The following CEP112 variants were observed in gnomAD, a reference collection of about 807,000 sequenced individuals.
The protein encoded by CEP112 is centrosomal protein 112.
A neutral mutation model predicts 153.0 loss-of-function variants in CEP112; 127 were observed. The ratio of observed to expected loss-of-function variants is 0.83; its 90% CI spans 0.72 to 0.96. CEP112 has a LOEUF of 0.96. Among genes scored for constraint, CEP112 ranks in the 40% least tolerant of loss-of-function variants. CEP112 has a pLI of 0.00. For synonymous variants in CEP112, 358 were observed against 374.4 expected (o/e 0.96, Z 0.51); for missense variants, 1,089 against 1,101.2 (o/e 0.99, Z 0.16).
intron 18 of CEP112, among the ~76,000 whole-genome samples, chr17:65,937,911 G>A (rs929583340): frequency 8.1e-6 from 1 of 123,116 alleles, no homozygotes; most frequent in East Asian, 5.1e-4. Flanking sequence ...CCCCATCTGG[G>A]AGGTGTGCCC....
At chr17:65,723,904 A>G (rs1389862413) in intron 23 of CEP112, among the ~76,000 whole-genome samples, 1 of 152,188 alleles carries the variant, frequency 6.6e-6, no homozygotes, top group African/African-American at 2.4e-5. Flanking sequence ...ATCATCTGTT[A>G]CTCTGAAATA....
chr17:65,681,094 G>A (rs1171052158), intron 24 of CEP112, among the ~76,000 whole-genome samples: 1 of 152,200 alleles, frequency 6.6e-6, no homozygotes, highest in African/African-American at 2.4e-5. Context: ...CATCAGGTGG[G>A]CAGGGCTGTT....
At chr17:65,824,116 A>G (rs2056724657) in intron 21 of CEP112, among the ~76,000 whole-genome samples, 1 of 152,222 alleles carries the variant, frequency 6.6e-6, no homozygotes. Context: ...AAGTTAAATT[A>G]AAGTGCATAT....
chr17:65,927,841 C>A, intron 18 of CEP112, 152 bp from the exon 19 acceptor site: 1 of 425,528 alleles, frequency 2.4e-6, no homozygotes, highest in Non-Finnish European at 4.1e-6. Flanking sequence ...AGACATTTAT[C>A]AATTCATTTT....
intron 24 of CEP112, among the ~76,000 whole-genome samples, chr17:65,674,074 A>C (rs1210487275): frequency 6.6e-6 from 1 of 152,110 alleles, no homozygotes; most frequent in Non-Finnish European, 1.5e-5. Context: ...ACAGGGTTTC[A>C]CCATGTTAGT....
chr17:65,881,105 C>T (rs1163579613), intron 20 of CEP112, among the ~76,000 whole-genome samples: 1 of 152,112 alleles, frequency 6.6e-6, no homozygotes. Flanking sequence ...GTCCCAGCTA[C>T]TCGGGAGGCT....
intron 20 of CEP112, among the ~76,000 whole-genome samples, chr17:65,890,322 G>T (rs2059419135): frequency 6.6e-6 from 1 of 152,166 alleles, no homozygotes; most frequent in South Asian, 2.1e-4. Flanking sequence ...TCTCAACATG[G>T]TACGTGTTCT....
intron 4 of CEP112, among the ~76,000 whole-genome samples, chr17:66,139,485 C>A (rs941370739): frequency 6.6e-6 from 1 of 152,008 alleles, no homozygotes; most frequent in South Asian, 2.1e-4. Context: ...GTGGCACACA[C>A]CTGAGGTCCC....
At chr17:65,950,711 G>T (rs74735456) in intron 18 of CEP112, among the ~76,000 whole-genome samples, 113 of 71,714 alleles carry the variant, frequency 1.6e-3, no homozygotes, top group South Asian at 0.011. Context: ...AGTAGTAGTA[G>T]TAGTAGTAGT....
intron 6 of CEP112, among the ~76,000 whole-genome samples, chr17:66,101,962 A>AT (rs1440814930): frequency 6.6e-6 from 1 of 152,164 alleles, no homozygotes; most frequent in East Asian, 1.9e-4. Context: ...AGAGATGGCT[A>AT]TTTTTTAAGA....
rs150750208 is a variant in CEP112 at position 65,876,967 on chromosome 17, C to CTGTT, written c.2164-24937_2164-24934dup. 2.8e-3 allele frequency among the ~76,000 whole-genome samples: 433 copies of CTGTT among 152,114 alleles called. 1 individual carries two copies. The highest frequency in any genetic ancestry group is 0.01 in the African/African-American group (416 of 41,478). On this transcript the variant is annotated intron_variant, in intron 20 of 26. Transcript: ENST00000535342. The stretch of plus-strand genomic sequence containing the variant: ...GTTCTTGTTTTTTCTCTGTGATCAT[C>CTGTT]TGTTTGTTTAGTCTTTCTCATGCCT...
intron 23 of CEP112, among the ~76,000 whole-genome samples, chr17:65,722,203 G>C (rs776175263): frequency 1.3e-5 from 2 of 151,868 alleles, no homozygotes; most frequent in Non-Finnish European, 2.9e-5. Context: ...TTTGAAGTGG[G>C]GGATGAGGGT....
At chr17:66,130,558 G>A (rs572076813) in intron 5 of CEP112, among the ~76,000 whole-genome samples, 15 of 151,986 alleles carry the variant, frequency 9.9e-5, no homozygotes, top group South Asian at 4.2e-4. Flanking sequence ...GGCAGATCAC[G>A]AGGTCAGGAG....
chr17:65,774,086 CAA>C (rs10647121), intron 21 of CEP112, among the ~76,000 whole-genome samples: 6 of 125,634 alleles, frequency 4.8e-5, no homozygotes, highest in Admixed American at 7.9e-5. Flanking sequence ...GGCTCCATCT[CAA>C]AAAAAAAAAA....
At chr17:65,761,216 A>G (rs1383600319) in intron 21 of CEP112, among the ~76,000 whole-genome samples, 1 of 151,540 alleles carries the variant, frequency 6.6e-6, no homozygotes, top group Non-Finnish European at 1.5e-5. Flanking sequence ...GATTTTCTCT[A>G]TTGATTTCCT....
chr17:65,790,046 C>T (rs917242273), intron 21 of CEP112, among the ~76,000 whole-genome samples: 6 of 152,160 alleles, frequency 3.9e-5, no homozygotes, highest in African/African-American at 1.2e-4. Context: ...AGCCTTGCCT[C>T]TTCCCTGCCT....
intron 17 of CEP112, among the ~76,000 whole-genome samples, chr17:65,969,371 T>C (rs1216518957): frequency 6.6e-6 from 1 of 152,206 alleles, no homozygotes; most frequent in Non-Finnish European, 1.5e-5. Context: ...GATTAACGTA[T>C]TACATGTACA....
At chr17:65,653,693 T>C (rs1293830140) in intron 24 of CEP112, among the ~76,000 whole-genome samples, 2 of 152,164 alleles carry the variant, frequency 1.3e-5, no homozygotes, top group Admixed American at 6.5e-5. Context: ...AGGATGTTTC[T>C]GAGGGATGGG....
At chr17:65,786,664 G>A (rs1409206905) in intron 21 of CEP112, among the ~76,000 whole-genome samples, 1 of 146,750 alleles carries the variant, frequency 6.8e-6, no homozygotes, top group Non-Finnish European at 1.5e-5. Context: ...ACAGCTCACT[G>A]CAGATTTGAT....
Sources: allele counts gnomAD v4.1 joint callset (sites outside exome capture counted in the v4.1 genomes callset), GRCh38; gene constraint gnomAD v4.1.1; transcripts MANE v1.5; gene names NCBI Gene and HGNC (gene_info 2026-07-23, HGNC 2026-07-21).